CRPPA: variants seen among roughly 807,000 people sequenced by gnomAD.
CRPPA encodes D-ribitol-5-phosphate cytidylyltransferase.
In CRPPA, 43 loss-of-function variants were observed where a neutral mutation model predicts 52.0. The observed-to-expected ratio is 0.83, with a 90% CI of 0.65 to 1.07. The LOEUF is 1.07. CRPPA is among the 50% of genes least tolerant of loss of function. CRPPA has a pLI of 0.00. For synonymous variants in CRPPA, 250 were observed against 203.5 expected, an observed-to-expected ratio of 1.23 and a Z score of -1.94; for missense variants, 629 against 551.7, an observed-to-expected ratio of 1.14 and a Z score of -1.40.
At chr7:16,323,943 G>T (rs1583519090) in intron 3 of CRPPA, among the ~76,000 whole-genome samples, 3 of 152,124 alleles carry the variant, frequency 2.0e-5, no homozygotes, top group African/African-American at 7.2e-5. Flanking sequence ...GAAAAGCAAA[G>T]AAATTAACAG....
chr7:16,230,884 C>A (rs1376463171), intron 8 of CRPPA, among the ~76,000 whole-genome samples: 1 of 152,012 alleles, frequency 6.6e-6, no homozygotes, highest in African/African-American at 2.4e-5. Flanking sequence ...CGAGGGGCCA[C>A]CTGCTGCTGC....
chr7:16,335,218 T>G (rs1785651743), intron 3 of CRPPA, among the ~76,000 whole-genome samples: 2 of 146,134 alleles, frequency 1.4e-5, no homozygotes, highest in Non-Finnish European at 3.0e-5. Context: ...TGTAGTGGTA[T>G]GCACTATGGT....
At chr7:16,246,574 C>T (rs375416778) in intron 8 of CRPPA, among the ~76,000 whole-genome samples, 2 of 152,298 alleles carry the variant, frequency 1.3e-5, no homozygotes, top group African/African-American at 4.8e-5. Context: ...AAAAATAAGA[C>T]ATGAAAATCT....
rs151023959 is a variant in CRPPA, at chr7:16,416,559, G to T, written c.257+4507C>A. Among the ~76,000 whole-genome samples the T allele has an allele frequency of 6.9e-3, 1,046 of 151,558 alleles. 11 individuals carry two copies. Among genetic ancestry groups the T allele is most frequent in the African/African-American group, 0.024 (1,008 of 41,302 alleles). On this transcript the variant is annotated intron_variant, in intron 1 of 9. Transcript: ENST00000407010. ...TAAACAGCTTCTGCACAGCAGCCAG[G>T]TGTGGTCACTCACACTTGTAATGCC...
chr7:16,306,892 T>C (rs1436899365), intron 4 of CRPPA, among the ~76,000 whole-genome samples: 1 of 152,198 alleles, frequency 6.6e-6, no homozygotes, highest in African/African-American at 2.4e-5. Flanking sequence ...TAATATTGCA[T>C]AAAATTTCTT....
chr7:16,307,280 T>C (rs1784931990), intron 4 of CRPPA, among the ~76,000 whole-genome samples: 1 of 152,200 alleles, frequency 6.6e-6, no homozygotes. Context: ...TCCTGTTCAA[T>C]TCAACTAATG....
At chr7:16,331,415 A>T (rs1785550712) in intron 3 of CRPPA, among the ~76,000 whole-genome samples, 1 of 152,170 alleles carries the variant, frequency 6.6e-6, no homozygotes, top group African/African-American at 2.4e-5. Context: ...TTTACTGCAG[A>T]TCCTTCTACC....
intron 9 of CRPPA, among the ~76,000 whole-genome samples, chr7:16,155,115 A>C (rs1321779922): frequency 6.6e-6 from 1 of 151,558 alleles, no homozygotes; most frequent in Non-Finnish European, 1.5e-5. Flanking sequence ...CCGCCACCCC[A>C]GGCCTCAAAA....
At chr7:16,397,594 T>C (rs1787637340) in intron 2 of CRPPA, among the ~76,000 whole-genome samples, 1 of 151,528 alleles carries the variant, frequency 6.6e-6, no homozygotes, top group African/African-American at 2.4e-5. Context: ...CGTGACAGAT[T>C]ACTGACGTGT....
chr7:16,345,012 T>G (rs1785971914), intron 3 of CRPPA, among the ~76,000 whole-genome samples: 1 of 152,026 alleles, frequency 6.6e-6, no homozygotes, highest in Non-Finnish European at 1.5e-5. Flanking sequence ...AAGCTCAAAC[T>G]ACAAGCAGGA....
chr7:16,231,105 C>G (rs1001462742), intron 8 of CRPPA, among the ~76,000 whole-genome samples: 2 of 152,122 alleles, frequency 1.3e-5, no homozygotes, highest in Non-Finnish European at 2.9e-5. Flanking sequence ...TGTTGGGGTT[C>G]AAGGTAAAAT....
chr7:16,190,929 A>ATGAATGCC (rs1781596663), intron 9 of CRPPA, among the ~76,000 whole-genome samples: 2 of 152,220 alleles, frequency 1.3e-5, no homozygotes, highest in South Asian at 4.1e-4. Flanking sequence ...CCAGGTTGCC[A>ATGAATGCC]TGAATGCCAT....
intron 2 of CRPPA, among the ~76,000 whole-genome samples, chr7:16,399,359 T>C (rs972272622): frequency 5.3e-5 from 8 of 151,018 alleles, no homozygotes; most frequent in African/African-American, 1.7e-4. Flanking sequence ...ACTGACATGA[T>C]TGACGTGACA....
chr7:16,405,204 T>C (rs1323215988), intron 2 of CRPPA, among the ~76,000 whole-genome samples: 1 of 152,158 alleles, frequency 6.6e-6, no homozygotes, highest in Non-Finnish European at 1.5e-5. Flanking sequence ...TTATAATTCA[T>C]CTTAAAATAA....
intron 9 of CRPPA, among the ~76,000 whole-genome samples, chr7:16,112,398 G>A (rs953655981): frequency 2.6e-5 from 4 of 152,014 alleles, no homozygotes; most frequent in Admixed American, 6.6e-5. Flanking sequence ...TTAAGGATCT[G>A]CAGATAGATA....
chr7:16,156,170 A>C (rs749631436), intron 9 of CRPPA, among the ~76,000 whole-genome samples: 4 of 152,146 alleles, frequency 2.6e-5, no homozygotes, highest in Non-Finnish European at 5.9e-5. Context: ...AATCTTAAAA[A>C]GAAGTGTGTT....
At chr7:16,381,475 G>A (rs1202848655) in intron 2 of CRPPA, among the ~76,000 whole-genome samples, 1 of 152,036 alleles carries the variant, frequency 6.6e-6, no homozygotes, top group Admixed American at 6.5e-5. Flanking sequence ...CTGTTGATTT[G>A]GGGTGGAGAG....
intron 9 of CRPPA, among the ~76,000 whole-genome samples, chr7:16,100,600 G>C (rs1374953091): frequency 6.6e-6 from 1 of 152,186 alleles, no homozygotes; most frequent in Non-Finnish European, 1.5e-5. Flanking sequence ...TCTGCAAACA[G>C]AGACAATTTG....
At position 16,166,372 on chromosome 7, in the gene CRPPA, C is replaced by T. The variant is rs138066149; in HGVS notation, c.1251+49694G>A. ...TCAGCTCACTGCAACCTCTGTCTTC[C>T]AGGTTCCAGCGATTCTCCTGCCTCA... On this transcript the variant is annotated intron_variant, in intron 9 of 9. Coordinates refer to ENST00000407010, the MANE Select transcript of CRPPA (RefSeq NM_001101426.4). Among the ~76,000 whole-genome samples the T allele has an allele frequency of 7.2e-3, 1,098 of 152,126 alleles. 14 individuals carry two copies. Among genetic ancestry groups the T allele is most frequent in the African/African-American group, 0.026 (1,058 of 41,478 alleles).
Sources: allele counts gnomAD v4.1 joint callset (sites outside exome capture counted in the v4.1 genomes callset), GRCh38; gene constraint gnomAD v4.1.1; transcripts MANE v1.5; gene names NCBI Gene and HGNC (gene_info 2026-07-23, HGNC 2026-07-21).